Variants in ZNF674 observed in about 807,000 individuals in gnomAD.
ZNF674 encodes zinc finger protein 674, also known as zinc finger family member 674.
Under a neutral mutation model 7.0 loss-of-function variants are expected in ZNF674, and 2 were observed. That is an observed-to-expected ratio of 0.29 (90% CI 0.12 to 0.90). ZNF674 has a LOEUF of 0.90. Among genes scored for constraint, ZNF674 ranks in the 40% least tolerant of loss-of-function variants. The probability of loss-of-function intolerance (pLI) is 0.57; values close to 1 mark genes in which losing one functional copy is unlikely to be tolerated. For missense variants in ZNF674, 297 were observed against 415.5 expected (o/e 0.71, Z 2.48); for synonymous variants, 103 against 145.2 (o/e 0.71, Z 2.09).
rs1243377065 is a variant in ZNF674, at chrX:46,501,145, T to G, written c.429A>C (p.Ser143=). The stretch of plus-strand genomic sequence containing the variant: ...AATGATGTTTTGAACACCTTTCCCA[T>G]GAATAATATTTAGGGAGTCTTTGTT... ...SVKQRLPKYY[S]WERCSKHHLN... The change falls in exon 6 of 6, where the codon TCA becomes TCC. Residue 143 remains serine, a synonymous_variant. Coordinates refer to ENST00000683375, the MANE Select transcript of ZNF674 (RefSeq NM_001190417.2). The G allele has an allele frequency of 8.3e-7, 1 of 1,206,876 alleles. No homozygotes were observed. The highest frequency in any genetic ancestry group is 1.8e-5 in the South Asian group (1 of 56,177).
chrX:46,519,017 A>G (rs1031012654), intron 5 of ZNF674, among the ~76,000 whole-genome samples: 4 of 107,232 alleles, frequency 3.7e-5, no homozygotes, highest in African/African-American at 1.0e-4. Flanking sequence ...AGCCTGACCA[A>G]TATGGTGAAA....
chrX:46,527,127 G>A (rs1427359705), intron 5 of ZNF674, among the ~76,000 whole-genome samples: 3 of 110,500 alleles, frequency 2.7e-5, no homozygotes, highest in African/African-American at 9.9e-5. Context: ...AGCTGGGCAT[G>A]GTGGCGGGTG....
In ZNF674 at chrX:46,521,726, T is replaced by G. The variant is rs181431150; in HGVS notation, c.238+6624A>C. The stretch of plus-strand genomic sequence containing the variant: ...TGACATGGCAAAACCCCATCTCTAC[T>G]AAAAATACAAAAATTAGCCGGGTAT... On this transcript the variant is annotated intron_variant, in intron 5 of 5. Coordinates refer to ENST00000683375, the MANE Select transcript of ZNF674 (RefSeq NM_001190417.2). 3.7e-5 allele frequency among the ~76,000 whole-genome samples: 4 copies of G among 108,645 alleles called. No individual in the cohort carries two copies. The East Asian group carries it at 1.2e-3, about 32-fold the overall frequency. The allele number at this position is 108,645 out of a possible 115,157, so 94.3% of individuals were successfully genotyped here. A position where few individuals can be genotyped will look rare whatever the true frequency, so the allele number is the denominator to read the frequency against.
chrX:46,536,202 G>A (rs975538526), intron 3 of ZNF674, among the ~76,000 whole-genome samples: 8 of 111,690 alleles, frequency 7.2e-5, no homozygotes, highest in African/African-American at 2.6e-4. Context: ...GCTCACACCT[G>A]TAATCTCAGC....
intron 5 of ZNF674, among the ~76,000 whole-genome samples, chrX:46,514,268 T>A (rs1941719154): frequency 9.1e-6 from 1 of 110,146 alleles, no homozygotes; most frequent in Non-Finnish European, 1.9e-5. Context: ...CCACTAGACT[T>A]TAGGGGACAC....
intron 2 of ZNF674, among the ~76,000 whole-genome samples, chrX:46,544,268 G>A (rs181419969): frequency 1.1e-4 from 13 of 113,129 alleles, no homozygotes; most frequent in African/African-American, 3.8e-4. Flanking sequence ...GCTGAAGTGA[G>A]GGACAAAGGC....
intron 5 of ZNF674, chrX:46,525,400 C>T (rs752536614): frequency 1.5e-4 from 28 of 186,455 alleles, no homozygotes; most frequent in South Asian, 1.2e-3. Context: ...GCTGGGAGTT[C>T]GAGACCAGCC....
intron 5 of ZNF674, among the ~76,000 whole-genome samples, chrX:46,513,929 G>A (rs1055789263): frequency 1.8e-5 from 2 of 110,624 alleles, no homozygotes; most frequent in Non-Finnish European, 3.8e-5. Context: ...GCCAGGTGTC[G>A]TGGCATGTGC....
At chrX:46,519,406 G>A (rs1180930228) in intron 5 of ZNF674, among the ~76,000 whole-genome samples, 5 of 108,217 alleles carry the variant, frequency 4.6e-5, no homozygotes, top group Admixed American at 1.0e-4. Flanking sequence ...TCAGGAGTTC[G>A]AGACCAGCCT....
chrX:46,512,223 G>A (rs1324659816), intron 5 of ZNF674, among the ~76,000 whole-genome samples: 14 of 106,517 alleles, frequency 1.3e-4, no homozygotes, highest in African/African-American at 4.5e-4. Flanking sequence ...TTAGCCGGCC[G>A]TGGTGGCACA....
intron 5 of ZNF674, among the ~76,000 whole-genome samples, chrX:46,525,063 T>A (rs1483905584): frequency 9.0e-6 from 1 of 111,043 alleles, no homozygotes; most frequent in East Asian, 2.8e-4. Flanking sequence ...AGTATGATCA[T>A]ATTCATTGAT....
intron 3 of ZNF674, among the ~76,000 whole-genome samples, chrX:46,540,223 G>A (rs967409918): frequency 5.6e-5 from 6 of 107,932 alleles, no homozygotes; most frequent in Non-Finnish European, 7.7e-5. Flanking sequence ...CAGCCTGGGC[G>A]ACAGAGCGAG....
intron 3 of ZNF674, among the ~76,000 whole-genome samples, chrX:46,537,627 T>C (rs180713564): frequency 2.5e-3 from 276 of 112,438 alleles, no homozygotes; most frequent in Middle Eastern, 9.2e-3. Context: ...TGTTTTTTAA[T>C]CATTGTTCAT....
intron 4 of ZNF674, 38 bp from the exon 5 acceptor site, chrX:46,528,483 G>A: frequency 8.5e-7 from 1 of 1,179,996 alleles, no homozygotes. Flanking sequence ...TGTTATTAAT[G>A]CTGAGGAATT....
At chrX:46,539,972 C>CG (rs1942262966) in intron 3 of ZNF674, among the ~76,000 whole-genome samples, 1 of 112,002 alleles carries the variant, frequency 8.9e-6, no homozygotes, top group African/African-American at 3.2e-5. Flanking sequence ...TGGCCGGGTG[C>CG]GGGGGCTCAC....
At chrX:46,537,994 T>C (rs1383594419) in intron 3 of ZNF674, among the ~76,000 whole-genome samples, 1 of 109,130 alleles carries the variant, frequency 9.2e-6, no homozygotes, top group Non-Finnish European at 1.9e-5. Flanking sequence ...GTGGCTGAGG[T>C]GGGAGAACTG....
At chrX:46,506,457 A>G (rs1290666661) in intron 5 of ZNF674, among the ~76,000 whole-genome samples, 1 of 110,338 alleles carries the variant, frequency 9.1e-6, no homozygotes, top group Non-Finnish European at 1.9e-5. Flanking sequence ...TTTATTTCCT[A>G]TCAGGCACCC....
At chrX:46,536,387 C>T (rs1397832091) in intron 3 of ZNF674, among the ~76,000 whole-genome samples, 1 of 110,486 alleles carries the variant, frequency 9.1e-6, no homozygotes, top group African/African-American at 3.3e-5. Flanking sequence ...GTCAAGAGAT[C>T]GAGACCATCC....
chrX:46,529,142 C>G, intron 3 of ZNF674: 1 of 522,300 alleles, frequency 1.9e-6, no homozygotes. Context: ...TTCGAATCCA[C>G]GCAGTCTGGC....
Sources: gnomAD v4.1 joint callset for allele counts (sites outside exome capture counted in the v4.1 genomes callset) on GRCh38, gnomAD v4.1.1 for gene constraint, MANE v1.5 for transcripts, NCBI Gene and HGNC (gene_info 2026-07-23, HGNC 2026-07-21) for gene names.